The following JAKMIP1 variants were observed in gnomAD, a reference collection of about 807,000 sequenced individuals.
JAKMIP1 encodes janus kinase and microtubule-interacting protein 1.
Under a neutral mutation model 113.0 loss-of-function variants are expected in JAKMIP1, and 33 were observed. The observed-to-expected ratio is 0.29, with a 90% CI of 0.22 to 0.39. JAKMIP1 has a LOEUF of 0.39. Ranked by LOEUF, JAKMIP1 falls within the 10% of genes least tolerant of loss-of-function variation. JAKMIP1 has a pLI of 1.00. For synonymous variants in JAKMIP1, 480 were observed against 459.9 expected, an observed-to-expected ratio of 1.04 and a Z score of -0.56; for missense variants, 813 against 1,080.5, an observed-to-expected ratio of 0.75 and a Z score of 3.47.
chr4:6,032,109 T>C (rs1204757297), intron 19 of JAKMIP1, among the ~76,000 whole-genome samples: 1 of 152,254 alleles, frequency 6.6e-6, no homozygotes, highest in Middle Eastern at 3.4e-3. Context: ...GGGCTCTGGG[T>C]GAGTGACATG....
chr4:6,040,746 C>G lies in JAKMIP1; in HGVS notation c.2098-30G>C. ...GAAAGAGGGAGGCGCCATCAGGGAC[C>G]AGCGTCAGAACAGGAATCCATGACA... On this transcript the variant is annotated intron_variant, in intron 17 of 20. Transcript: ENST00000409021. This position sits in a 1 kb window ranked among gnomAD's most constrained non-coding sequence, Gnocchi z 5.8. 1.3e-6 allele frequency: 2 copies of G among 1,578,876 alleles called. No homozygotes were observed. Among genetic ancestry groups the G allele is most frequent in the Non-Finnish European group, 1.7e-6 (2 of 1,149,846 alleles).
rs1282195574 is a variant in JAKMIP1 at position 6,105,750 on chromosome 4, G to A, written c.347C>T (p.Thr116Met). 3 of 1,602,620 alleles carry A rather than the reference G, an allele frequency of 1.9e-6. No homozygotes were observed. Among genetic ancestry groups the A allele is most frequent in the South Asian group, 2.2e-5 (2 of 90,750 alleles). Reference sequence around the variant, plus strand: ...CGCGCCGTCGCGCAGCACGTTCAGCGTGGCCTGCAGCCGCTGCAGCTCGCC... The same window carrying A: ...CGCGCCGTCGCGCAGCACGTTCAGCATGGCCTGCAGCCGCTGCAGCTCGCC... ...KEGELQRLQA[T>M]LNVLRDGAAD... is the part of the protein sequence containing the mutation. Residue 116 changes from threonine (T) to methionine (M), a missense_variant, in exon 3 of 21, where the codon ACG becomes ATG. Around this residue, in one of 2 missense-constraint regions of JAKMIP1, gnomAD observed 540 missense variants for 653.9 expected, o/e 0.83. Transcript: ENST00000409021.
Position 6,141,118 on chromosome 4 carries a change from T to C in JAKMIP1, c.-147-28121A>G, listed in dbSNP as rs1305600333. On this transcript the variant is annotated intron_variant, in intron 1 of 20. Coordinates refer to ENST00000409021, the MANE Select transcript of JAKMIP1 (RefSeq NM_001099433.2). This position sits in a 1 kb window ranked among gnomAD's most constrained non-coding sequence, Gnocchi z 9.4. Reference sequence around the variant, plus strand: ...ACCATCCTAATTGTATCGCGTAGAATGAGAAGCAGCTACCAACATTTAAAG... The same window carrying C: ...ACCATCCTAATTGTATCGCGTAGAACGAGAAGCAGCTACCAACATTTAAAG... Among the ~76,000 whole-genome samples, 1 of 152,146 alleles carries C rather than the reference T, an allele frequency of 6.6e-6. No homozygotes were observed. The highest frequency in any genetic ancestry group is 1.5e-5 in the Non-Finnish European group (1 of 68,038).
At chr4:6,109,299 AT>A (rs540713177) in intron 2 of JAKMIP1, among the ~76,000 whole-genome samples, 35 of 151,542 alleles carry the variant, frequency 2.3e-4, no homozygotes, top group Admixed American at 1.7e-3. Context: ...CGCCCGGCTA[AT>A]TTTTTTATAT....
At chr4:6,170,006 C>T (rs1000228742) in intron 1 of JAKMIP1, among the ~76,000 whole-genome samples, 7 of 139,092 alleles carry the variant, frequency 5.0e-5, no homozygotes, top group African/African-American at 8.7e-5. Context: ...ACCACCACCA[C>T]CACCCTCACC....
chr4:6,028,340 C>T (rs1003192384), intron 20 of JAKMIP1, among the ~76,000 whole-genome samples: 4 of 152,246 alleles, frequency 2.6e-5, no homozygotes, highest in African/African-American at 2.4e-5. Flanking sequence ...AACAAGGGAA[C>T]TGGCAGGCAA....
intron 3 of JAKMIP1, among the ~76,000 whole-genome samples, chr4:6,091,678 C>T (rs112371923): frequency 2.8e-4 from 43 of 152,256 alleles, no homozygotes; most frequent in African/African-American, 9.9e-4. Flanking sequence ...CATGAACATA[C>T]GTGATTGAGA....
At chr4:6,058,976 C>T (rs73073447) in intron 11 of JAKMIP1, among the ~76,000 whole-genome samples, 152 of 152,306 alleles carry the variant, frequency 1.0e-3, no homozygotes, top group African/African-American at 3.6e-3. Context: ...CCTCTGTCCT[C>T]CTGCTTAATG....
intron 7 of JAKMIP1, 131 bp from the exon 8 acceptor site, chr4:6,079,129 A>C (rs1720124196): frequency 1.2e-6 from 1 of 819,680 alleles, no homozygotes; most frequent in African/African-American, 1.7e-5. Context: ...TAAGTGCCCA[A>C]GTGATGGCTG....
chr4:6,037,901 T>C (rs111385582), intron 18 of JAKMIP1, among the ~76,000 whole-genome samples: 84 of 95,608 alleles, frequency 8.8e-4, no homozygotes, highest in East Asian at 8.7e-3. Context: ...CCTCCATCAC[T>C]GAGGCAGAGG....
In JAKMIP1 at chr4:6,180,725, G is replaced by A. The variant is rs1285139783; in HGVS notation, c.-148+19528C>T. Reference sequence around the variant, plus strand: ...CCAACATGACCCAATTAGCAAGTGGGGGTGGAGGTTGTAGCAAGTGGATGT... The same window carrying A: ...CCAACATGACCCAATTAGCAAGTGGAGGTGGAGGTTGTAGCAAGTGGATGT... On this transcript the variant is annotated intron_variant, in intron 1 of 20. Coordinates refer to ENST00000409021, the MANE Select transcript of JAKMIP1 (RefSeq NM_001099433.2). The surrounding 1 kb of genome is among the most constrained non-coding windows in gnomAD (Gnocchi z 4.5). Among the ~76,000 whole-genome samples the A allele has an allele frequency of 2.0e-5, 3 of 152,164 alleles. No individual in the cohort carries two copies. Among genetic ancestry groups the A allele is most frequent in the Non-Finnish European group, 1.5e-5 (1 of 68,028 alleles).
intron 20 of JAKMIP1, among the ~76,000 whole-genome samples, chr4:6,027,433 T>G (rs1036558572): frequency 6.6e-6 from 1 of 152,154 alleles, no homozygotes; most frequent in Admixed American, 6.5e-5. Flanking sequence ...GAGGGAAGGA[T>G]TCGTTAAGAC....
Position 6,044,518 on chromosome 4 carries a change from G to A in JAKMIP1, c.2029-2291C>T, listed in dbSNP as rs945952814. Reference sequence around the variant, plus strand: ...CGGTGGCCAGCACTTCCTCAAACAAGGCTCAGACAAGATGCGTGGTTTCTT... The same window carrying A: ...CGGTGGCCAGCACTTCCTCAAACAAAGCTCAGACAAGATGCGTGGTTTCTT... On this transcript the variant is annotated intron_variant, in intron 16 of 20. Transcript: ENST00000409021. This position sits in a 1 kb window ranked among gnomAD's most constrained non-coding sequence, Gnocchi z 4.4. Among the ~76,000 whole-genome samples the A allele has an allele frequency of 2.0e-5, 3 of 152,076 alleles. No individual in the cohort carries two copies. The highest frequency in any genetic ancestry group is 7.2e-5 in the African/African-American group (3 of 41,422).
At position 6,080,453 on chromosome 4, in the gene JAKMIP1, G is replaced by T; in HGVS notation, c.1102-141C>A. The T allele has an allele frequency of 9.7e-7, 1 of 1,030,950 alleles. No individual in the cohort carries two copies. The highest frequency in any genetic ancestry group is 1.7e-5 in the South Asian group (1 of 58,534). The allele number at this position is 1,030,950 out of a possible 1,614,324, so 63.9% of individuals were successfully genotyped here. A position where few individuals can be genotyped will look rare whatever the true frequency, so the allele number is the denominator to read the frequency against. On this transcript the variant is annotated intron_variant, in intron 6 of 20. Coordinates refer to ENST00000409021, the MANE Select transcript of JAKMIP1 (RefSeq NM_001099433.2). The surrounding 1 kb of genome is among the most constrained non-coding windows in gnomAD (Gnocchi z 6.0). ...AGAGATGATGGCCTGATATGGTTTG[G>T]CTGTGTCCCCACCCAAATCTCATCT... is the stretch of plus-strand genomic sequence containing the variant.
Position 6,042,123 on chromosome 4 carries a change from C to A in JAKMIP1, c.2097+36G>T, listed in dbSNP as rs1714399634. On this transcript the variant is annotated intron_variant, in intron 17 of 20. Transcript: ENST00000409021. The surrounding 1 kb of genome is among the most constrained non-coding windows in gnomAD (Gnocchi z 5.2). ...AATCAACCTCTCTGAGCTCTTTGAA[C>A]CCTCTCCCCCACCCCCAGGCAGTCA... The A allele has an allele frequency of 5.2e-6, 8 of 1,549,174 alleles. No individual in the cohort carries two copies. Among genetic ancestry groups the A allele is most frequent in the Non-Finnish European group, 7.1e-6 (8 of 1,121,278 alleles).
In JAKMIP1 at chr4:6,155,184, G is replaced by A. The variant is rs1286424201; in HGVS notation, c.-147-42187C>T. Among the ~76,000 whole-genome samples, 3 of 152,088 alleles carry A rather than the reference G, an allele frequency of 2.0e-5. No homozygotes were observed. The highest frequency in any genetic ancestry group is 2.9e-5 in the Non-Finnish European group (2 of 68,034). ...AGGCCTACACATGAATGCCTGGCTGGAGCTTCCCTCCGCAGTGACCCTGGT... is the reference window on the plus strand; with the variant it reads ...AGGCCTACACATGAATGCCTGGCTGAAGCTTCCCTCCGCAGTGACCCTGGT... On this transcript the variant is annotated intron_variant, in intron 1 of 20. Transcript: ENST00000409021. This position sits in a 1 kb window ranked among gnomAD's most constrained non-coding sequence, Gnocchi z 6.1.
chr4:6,063,798 A>T (rs1243652892), intron 9 of JAKMIP1, among the ~76,000 whole-genome samples: 1 of 152,216 alleles, frequency 6.6e-6, no homozygotes, highest in Non-Finnish European at 1.5e-5. Context: ...GACAAGGACA[A>T]CAAGCAGGGG....
chr4:6,124,545 C>T (rs1462302485), intron 1 of JAKMIP1, among the ~76,000 whole-genome samples: 1 of 152,236 alleles, frequency 6.6e-6, no homozygotes, highest in East Asian at 1.9e-4. Context: ...TCGTGTGACA[C>T]AGTGGCCTCC....
At chr4:6,115,523 G>T (rs189363273) in intron 1 of JAKMIP1, among the ~76,000 whole-genome samples, 1 of 152,290 alleles carries the variant, frequency 6.6e-6, no homozygotes, top group East Asian at 1.9e-4. Context: ...CACCTGCAAG[G>T]TGCCAGCCCT....
Sources: gnomAD v4.1 joint callset for allele counts (sites outside exome capture counted in the v4.1 genomes callset) on GRCh38, gnomAD v4.1.1 for gene constraint, gnomAD v4.1.1 regional missense constraint, Gnocchi (gnomAD v3.1) non-coding constraint, MANE v1.5 for transcripts, NCBI Gene and HGNC (gene_info 2026-07-23, HGNC 2026-07-21) for gene names.